ADAMTSL1: variants seen among roughly 807,000 people sequenced by gnomAD.
ADAMTSL1 encodes ADAMTS like 1, also known as ADAMTS-like protein 1.
A neutral mutation model predicts 201.8 loss-of-function variants in ADAMTSL1; 126 were observed. That is an observed-to-expected ratio of 0.62 (90% CI 0.54 to 0.72). ADAMTSL1 has a LOEUF of 0.72. Ranked by LOEUF, ADAMTSL1 falls within the 30% of genes least tolerant of loss-of-function variation. ADAMTSL1 has a pLI of 0.00. For missense variants in ADAMTSL1, 2,679 were observed against 2,277.8 expected (o/e 1.18, Z -3.59); for synonymous variants, 1,121 against 903.4 (o/e 1.24, Z -4.32).
chr9:18,326,771 C>A (rs1177625780), intron 2 of ADAMTSL1, among the ~76,000 whole-genome samples: 1 of 152,124 alleles, frequency 6.6e-6, no homozygotes, highest in African/African-American at 2.4e-5. Flanking sequence ...TATACTTGAC[C>A]ACTTTATAGT....
At chr9:17,917,359 T>C (rs887463226) in intron 1 of ADAMTSL1, among the ~76,000 whole-genome samples, 2 of 152,080 alleles carry the variant, frequency 1.3e-5, no homozygotes, top group African/African-American at 4.8e-5. Context: ...GTGTGGGCTT[T>C]TTTGTAGATG....
intron 2 of ADAMTSL1, among the ~76,000 whole-genome samples, chr9:18,525,289 C>A (rs1434019326): frequency 6.6e-6 from 1 of 152,076 alleles, no homozygotes; most frequent in South Asian, 2.1e-4. Context: ...GTGGTGATAT[C>A]CCCTTTATCA....
chr9:18,518,987 C>G (rs566398449), intron 2 of ADAMTSL1, among the ~76,000 whole-genome samples: 1 of 152,248 alleles, frequency 6.6e-6, no homozygotes, highest in East Asian at 1.9e-4. Flanking sequence ...AAAATGCTGG[C>G]CTTTTGCTAC....
intron 2 of ADAMTSL1, among the ~76,000 whole-genome samples, chr9:18,387,792 G>A (rs1351716050): frequency 2.0e-5 from 3 of 152,076 alleles, no homozygotes; most frequent in Non-Finnish European, 4.4e-5. Flanking sequence ...TCTAGAAGTT[G>A]AGTGCAGAGC....
intron 1 of ADAMTSL1, among the ~76,000 whole-genome samples, chr9:18,487,180 T>C (rs915483550): frequency 6.6e-6 from 1 of 152,250 alleles, no homozygotes; most frequent in African/African-American, 2.4e-5. Flanking sequence ...TAAGTTATAC[T>C]AAAGTGAGTT....
At position 18,892,409 on chromosome 9, in the gene ADAMTSL1, C is replaced by T. The variant is rs1487003299; in HGVS notation, c.4664C>T (p.Ser1555Phe). The T allele has an allele frequency of 1.9e-6, 3 of 1,613,250 alleles. No homozygotes were observed. The highest frequency in any genetic ancestry group is 3.3e-5 in the Admixed American group (2 of 59,990). Residue 1555 changes from serine to phenylalanine, a missense_variant, in exon 26 of 29, where the codon TCT becomes TTT. Ser to Phe is a radical substitution (Grantham distance 155). Coordinates refer to ENST00000380548, the MANE Select transcript of ADAMTSL1 (RefSeq NM_001040272.6). ...CPSRWMVTSWSACTRSCGGGV... is the reference protein window; with the variant it reads ...CPSRWMVTSWFACTRSCGGGV... The stretch of plus-strand genomic sequence containing the variant: ...CCCAGGTGGATGGTGACCTCCTGGT[C>T]TGCCTGTACCCGGAGCTGTGGGGGA...
chr9:18,186,929 A>C (rs1167176448), intron 2 of ADAMTSL1, among the ~76,000 whole-genome samples: 1 of 151,992 alleles, frequency 6.6e-6, no homozygotes, highest in African/African-American at 2.4e-5. Context: ...CCAGTACCCC[A>C]TAACTGGTAA....
chr9:18,890,631 C>CTTGCTGACG (rs1829192048), intron 25 of ADAMTSL1: 2 of 455,612 alleles, frequency 4.4e-6, no homozygotes, highest in Non-Finnish European at 8.8e-6. Flanking sequence ...AGCAGTTTGA[C>CTTGCTGACG]TTGCTGACGG....
chr9:18,746,973 C>T (rs932048329), intron 15 of ADAMTSL1, among the ~76,000 whole-genome samples: 2 of 152,110 alleles, frequency 1.3e-5, no homozygotes, highest in African/African-American at 4.8e-5. Flanking sequence ...ACTGAAATAA[C>T]AACTGCAAGT....
At chr9:17,908,547 C>T (rs529760958) in intron 1 of ADAMTSL1, among the ~76,000 whole-genome samples, 1 of 152,036 alleles carries the variant, frequency 6.6e-6, no homozygotes, top group Non-Finnish European at 1.5e-5. Context: ...ACCTCTGCCT[C>T]CTGGGTTCAA....
intron 5 of ADAMTSL1, among the ~76,000 whole-genome samples, chr9:18,626,839 T>TC (rs1554717999): frequency 2.2e-3 from 295 of 133,290 alleles, no homozygotes; most frequent in South Asian, 5.7e-3. Flanking sequence ...CTTACTTTCT[T>TC]TTTCTTTCTT....
At chr9:18,135,279 A>G (rs1826113157) in intron 1 of ADAMTSL1, among the ~76,000 whole-genome samples, 1 of 152,220 alleles carries the variant, frequency 6.6e-6, no homozygotes, top group Admixed American at 6.5e-5. Context: ...CTATGCATTC[A>G]TATCAAGTTT....
chr9:18,636,802 G>T (rs1466974863), intron 6 of ADAMTSL1, among the ~76,000 whole-genome samples: 1 of 152,166 alleles, frequency 6.6e-6, no homozygotes, highest in African/African-American at 2.4e-5. Context: ...GTAAAATTCA[G>T]TTTCACTGAA....
Position 18,895,467 on chromosome 9 carries a change from C to A in ADAMTSL1, c.4851+2871C>A, listed in dbSNP as rs779210794. On this transcript the variant is annotated intron_variant, in intron 26 of 28. Transcript: ENST00000380548. ...TGTGGCATGGTTTTGATCTTAACAACGTGGCAGCCACTACTTGTGAAATCT... is the reference window on the plus strand; with the variant it reads ...TGTGGCATGGTTTTGATCTTAACAAAGTGGCAGCCACTACTTGTGAAATCT... Among the ~76,000 whole-genome samples the A allele has an allele frequency of 2.8e-5, 4 of 142,952 alleles. No individual in the cohort carries two copies. The Admixed American group carries it at 2.9e-4, about 10-fold the overall frequency. The allele number at this position is 142,952 out of a possible 152,430, so 93.8% of individuals were successfully genotyped here.
At chr9:18,743,593 C>G (rs1818966452) in intron 15 of ADAMTSL1, among the ~76,000 whole-genome samples, 1 of 152,062 alleles carries the variant, frequency 6.6e-6, no homozygotes, top group Non-Finnish European at 1.5e-5. Context: ...AATCTTGGCT[C>G]TCACTATTTT....
intron 2 of ADAMTSL1, among the ~76,000 whole-genome samples, chr9:18,230,897 G>A (rs1372802212): frequency 6.6e-6 from 1 of 152,170 alleles, no homozygotes; most frequent in Non-Finnish European, 1.5e-5. Context: ...GGCTGAAATT[G>A]CTAACCTGGA....
intron 3 of ADAMTSL1, among the ~76,000 whole-genome samples, chr9:18,569,129 T>C (rs1032626831): frequency 6.6e-5 from 10 of 152,198 alleles, no homozygotes; most frequent in African/African-American, 2.2e-4. Context: ...CCCTCCTTTG[T>C]CTCACAGTGT....
intron 2 of ADAMTSL1, among the ~76,000 whole-genome samples, chr9:18,448,733 T>G (rs1331495409): frequency 6.6e-6 from 1 of 152,194 alleles, no homozygotes; most frequent in African/African-American, 2.4e-5. Flanking sequence ...TAGTATATTT[T>G]ATGATTGAAA....
At chr9:18,802,170 G>C (rs1290343174) in intron 20 of ADAMTSL1, among the ~76,000 whole-genome samples, 1 of 152,032 alleles carries the variant, frequency 6.6e-6, no homozygotes, top group African/African-American at 2.4e-5. Flanking sequence ...CAGCTACATG[G>C]GAGGCTGAGG....
Sources: allele counts gnomAD v4.1 joint callset (sites outside exome capture counted in the v4.1 genomes callset), GRCh38; gene constraint gnomAD v4.1.1; transcripts MANE v1.5; gene names NCBI Gene and HGNC (gene_info 2026-07-23, HGNC 2026-07-21).